The following ANGPT2 variants were observed in gnomAD, a reference collection of about 807,000 sequenced individuals.
ANGPT2 encodes the protein angiopoietin 2.
ANGPT2 carries 28 observed loss-of-function variants against 62.9 expected under a neutral mutation model. The ratio of observed to expected loss-of-function variants is 0.44; its 90% CI spans 0.33 to 0.61. The LOEUF (loss-of-function observed/expected upper bound fraction) is 0.61, where lower values mean the gene tolerates loss of function less well. ANGPT2 is among the 20% of genes least tolerant of loss of function. The probability of loss-of-function intolerance (pLI) is 0.03; values close to 1 mark genes in which losing one functional copy is unlikely to be tolerated. For missense variants in ANGPT2, 727 were observed against 594.9 expected (o/e 1.22, Z -2.31); for synonymous variants, 284 against 207.8 (o/e 1.37, Z -3.15).
At chr8:6,561,129 C>A (rs138339436) in intron 1 of ANGPT2, among the ~76,000 whole-genome samples, 87 of 152,316 alleles carry the variant, frequency 5.7e-4, no homozygotes, top group African/African-American at 2.1e-3. Flanking sequence ...TGTGTTGCTG[C>A]ATACTTTTTA....
At chr8:6,526,915 A>G (rs1296970950) in intron 3 of ANGPT2, among the ~76,000 whole-genome samples, 3 of 152,100 alleles carry the variant, frequency 2.0e-5, no homozygotes, top group Non-Finnish European at 2.9e-5. Context: ...AGATTTTTCT[A>G]TATTTTATTT....
chr8:6,540,585 ACGTTG>A, intron 1 of ANGPT2, among the ~76,000 whole-genome samples: 1 of 152,234 alleles, frequency 6.6e-6, no homozygotes, highest in Admixed American at 6.5e-5. Context: ...AGTGCAACAG[ACGTTG>A]TCAGGCCACG....
chr8:6,524,730 A>G (rs1001049813), intron 3 of ANGPT2, among the ~76,000 whole-genome samples: 7 of 152,250 alleles, frequency 4.6e-5, no homozygotes, highest in African/African-American at 1.7e-4. Flanking sequence ...AGACAAGGCT[A>G]TGAATGTCTC....
chr8:6,513,745 A>C lies in ANGPT2; in HGVS notation c.1129T>G (p.Trp377Gly). 1 of 1,613,948 alleles carries C rather than the reference A, an allele frequency of 6.2e-7. No individual in the cohort carries two copies. Among genetic ancestry groups the C allele is most frequent in the Non-Finnish European group, 8.5e-7 (1 of 1,179,940 alleles). Residue 377 changes from tryptophan (W) to glycine (G), a missense_variant, in exon 7 of 9, where the codon TGG becomes GGG. Physicochemically the swap from Trp to Gly is radical, Grantham distance 184. Transcript: ENST00000629816. ...AATGAGTAAGCCTCATTCCCTTCCC[A>C]GTCTTTAAGGTGTATTTTAAGCACA... ...RYVLKIHLKD[W>G]EGNEAYSLYE...
chr8:6,530,637 T>A (rs1819316026), intron 2 of ANGPT2, among the ~76,000 whole-genome samples: 1 of 152,198 alleles, frequency 6.6e-6, no homozygotes, highest in Non-Finnish European at 1.5e-5. Flanking sequence ...CTTCCTAAGA[T>A]TTAAATTTTT....
Position 6,502,792 on chromosome 8 carries a change from T to A in ANGPT2, c.*309A>T, listed in dbSNP as rs1165551205. On this transcript the variant is annotated 3_prime_UTR_variant, in exon 9 of 9. Transcript: ENST00000629816. The stretch of plus-strand genomic sequence containing the variant: ...AGTTATTTACTGATAAACTTGCACA[T>A]AACATTCTTGGTTGTGACAGCAGCG... 1.6e-5 allele frequency: 6 copies of A among 366,862 alleles called. No individual in the cohort carries two copies. Among genetic ancestry groups the A allele is most frequent in the Non-Finnish European group, 2.5e-5 (5 of 199,480 alleles). 22.7% of individuals were successfully genotyped at this position (366,862 alleles called of 1,614,324 possible).
rs187711875 is a variant in ANGPT2 at position 6,514,026 on chromosome 8, C to G, written c.1030-182G>C. 2.9e-3 allele frequency among the ~76,000 whole-genome samples: 440 copies of G among 152,294 alleles called. 5 individuals carry two copies. The highest frequency in any genetic ancestry group is 2.0e-3 in the Admixed American group (31 of 15,300). On this transcript the variant is annotated intron_variant, in intron 6 of 8. Coordinates refer to ENST00000629816, the MANE Select transcript of ANGPT2 (RefSeq NM_001118887.2). ...TTTTAAATAGGTCAGTTATTAGACA[C>G]TAAGCTGCTGCTGGAAGAAAACTTG...
intron 1 of ANGPT2, among the ~76,000 whole-genome samples, chr8:6,545,760 T>C (rs1471137798): frequency 6.6e-6 from 1 of 152,222 alleles, no homozygotes; most frequent in Non-Finnish European, 1.5e-5. Flanking sequence ...TGGCTTCAAG[T>C]ATAGGAAGAA....
At chr8:6,535,082 C>T (rs908857370) in intron 1 of ANGPT2, among the ~76,000 whole-genome samples, 2 of 152,168 alleles carry the variant, frequency 1.3e-5, no homozygotes, top group Non-Finnish European at 1.5e-5. Flanking sequence ...TAAGCCCATA[C>T]TCAGAAATAA....
chr8:6,534,256 C>T (rs1404736255), intron 1 of ANGPT2, among the ~76,000 whole-genome samples: 28 of 152,014 alleles, frequency 1.8e-4, no homozygotes. Flanking sequence ...TAAAACAATA[C>T]AGTATAGCAA....
At chr8:6,540,384 C>T (rs1285867948) in intron 1 of ANGPT2, among the ~76,000 whole-genome samples, 3 of 152,176 alleles carry the variant, frequency 2.0e-5, no homozygotes, top group Admixed American at 2.0e-4. Context: ...TTTAAGGAGA[C>T]TGCTGTAGTA....
chr8:6,502,973 G>A lies in ANGPT2; in HGVS notation c.*128C>T. On this transcript the variant is annotated 3_prime_UTR_variant, in exon 9 of 9. Transcript: ENST00000629816. The stretch of plus-strand genomic sequence containing the variant: ...ACAGGCTCTAATCTGGAGCATGTGG[G>A]TCCCGTCAGCACCGAGCACACGCCC... The A allele has an allele frequency of 1.9e-6, 2 of 1,073,408 alleles. No individual in the cohort carries two copies. The highest frequency in any genetic ancestry group is 2.6e-5 in the Admixed American group (1 of 38,226). 66.5% of individuals were successfully genotyped at this position (1,073,408 alleles called of 1,614,324 possible).
At chr8:6,533,440 T>C (rs978547346) in intron 1 of ANGPT2, among the ~76,000 whole-genome samples, 4 of 152,184 alleles carry the variant, frequency 2.6e-5, no homozygotes, top group Non-Finnish European at 4.4e-5. Context: ...GCTTAACCTT[T>C]TGGGACCCTA....
rs2129563162 is a variant in ANGPT2, at chr8:6,502,402, G to A, written c.*699C>T. 1 of 152,238 alleles carries A rather than the reference G, an allele frequency of 6.6e-6. No homozygotes were observed. Among genetic ancestry groups the A allele is most frequent in the East Asian group, 1.9e-4 (1 of 5,184 alleles). The allele number at this position is 152,238 out of a possible 1,614,324, so 9.4% of individuals were successfully genotyped here. A position where few individuals can be genotyped will look rare whatever the true frequency, so the allele number is the denominator to read the frequency against. On this transcript the variant is annotated 3_prime_UTR_variant, in exon 9 of 9. Transcript: ENST00000629816. Reference sequence around the variant, plus strand: ...TAAACTAAAATGGCACGTTTCTGTTGATAATTTCAGAGATTCTGGAAGTTT... The same window carrying A: ...TAAACTAAAATGGCACGTTTCTGTTAATAATTTCAGAGATTCTGGAAGTTT...
chr8:6,512,987 G>A (rs1313332327), intron 7 of ANGPT2, among the ~76,000 whole-genome samples: 1 of 152,158 alleles, frequency 6.6e-6, no homozygotes, highest in Non-Finnish European at 1.5e-5. Flanking sequence ...ACTAACTTTT[G>A]AAACCTTTTG....
At chr8:6,528,991 A>G (rs1818925780) in intron 2 of ANGPT2, among the ~76,000 whole-genome samples, 1 of 152,202 alleles carries the variant, frequency 6.6e-6, no homozygotes, top group African/African-American at 2.4e-5. Context: ...TTGAGTCCAA[A>G]CATTCTATGT....
chr8:6,511,211 G>C (rs1815017497), intron 7 of ANGPT2, among the ~76,000 whole-genome samples: 1 of 151,988 alleles, frequency 6.6e-6, no homozygotes, highest in Non-Finnish European at 1.5e-5. Context: ...GTGGCCCACT[G>C]GTTTAAAGTG....
At chr8:6,530,550 G>A (rs1038732807) in intron 2 of ANGPT2, among the ~76,000 whole-genome samples, 1 of 105,206 alleles carries the variant, frequency 9.5e-6, no homozygotes. Context: ...AAAATCTGCA[G>A]TTACTTTTGG....
chr8:6,504,190 C>T (rs929972222), intron 8 of ANGPT2, among the ~76,000 whole-genome samples: 2 of 151,514 alleles, frequency 1.3e-5, no homozygotes, highest in Admixed American at 6.6e-5. Flanking sequence ...TGGTGGCGGA[C>T]GCCTGTAGTC....
Sources: allele counts gnomAD v4.1 joint callset (sites outside exome capture counted in the v4.1 genomes callset), GRCh38; gene constraint gnomAD v4.1.1; transcripts MANE v1.5; gene names NCBI Gene and HGNC (gene_info 2026-07-23, HGNC 2026-07-21).